LINGO2: variants seen among roughly 807,000 people sequenced by gnomAD.
LINGO2 encodes leucine-rich repeat and immunoglobulin-like domain-containing nogo receptor-interacting protein 2.
LINGO2 carries 14 observed loss-of-function variants against 30.6 expected under a neutral mutation model. That is an observed-to-expected ratio of 0.46 (90% CI 0.30 to 0.72). The LOEUF (loss-of-function observed/expected upper bound fraction) is 0.72. LINGO2 is among the 30% of genes least tolerant of loss of function. LINGO2 has a pLI of 0.07. For synonymous variants in LINGO2, 317 were observed against 288.5 expected (o/e 1.10, Z -1.00); for missense variants, 729 against 751.7 (o/e 0.97, Z 0.35).
At chr9:28,946,487 T>C in the LINGO2 span, among the ~76,000 whole-genome samples, 1 of 152,124 alleles carries the variant, frequency 6.6e-6, no homozygotes, top group African/African-American at 2.4e-5. Context: ...AAAATAGCTT[T>C]AGTAAAGAAT....
At chr9:29,182,542 C>T in the LINGO2 span, among the ~76,000 whole-genome samples, 3 of 152,172 alleles carry the variant, frequency 2.0e-5, no homozygotes, top group African/African-American at 7.2e-5. Flanking sequence ...TTCTCTAACT[C>T]TCTTAACAGG....
At chr9:28,513,055 A>G (rs1381301165) in intron 1 of LINGO2, among the ~76,000 whole-genome samples, 1 of 150,982 alleles carries the variant, frequency 6.6e-6, no homozygotes, top group Non-Finnish European at 1.5e-5. Context: ...TTTGAATCCA[A>G]TCAAGTTGAT....
intron 5 of LINGO2, among the ~76,000 whole-genome samples, chr9:28,011,150 G>T (rs534570504): frequency 1.3e-5 from 2 of 152,302 alleles, no homozygotes; most frequent in East Asian, 3.9e-4. Flanking sequence ...TCAAGAGAAT[G>T]AGAAAGTCAA....
chr9:28,437,812 G>T (rs949222229), intron 2 of LINGO2, among the ~76,000 whole-genome samples: 13 of 151,974 alleles, frequency 8.6e-5, no homozygotes, highest in African/African-American at 3.1e-4. Flanking sequence ...GGCTCAGAAG[G>T]CCCTTTCATA....
chr9:29,089,239 T>A, the LINGO2 span, among the ~76,000 whole-genome samples: 1 of 151,366 alleles, frequency 6.6e-6, no homozygotes, highest in African/African-American at 2.4e-5. Flanking sequence ...TATAGCAATA[T>A]AGTATTATTA....
chr9:28,121,474 C>G (rs1160531494), intron 4 of LINGO2, among the ~76,000 whole-genome samples: 2 of 152,024 alleles, frequency 1.3e-5, no homozygotes, highest in African/African-American at 2.4e-5. Flanking sequence ...CTTCCACATT[C>G]TTTTTTCTTT....
At chr9:28,304,897 T>C (rs999369479) in intron 3 of LINGO2, among the ~76,000 whole-genome samples, 1 of 152,058 alleles carries the variant, frequency 6.6e-6, no homozygotes, top group Non-Finnish European at 1.5e-5. Flanking sequence ...ATAATGCCTC[T>C]AGTAAAGTTA....
At chr9:28,135,231 G>T (rs1285632070) in intron 4 of LINGO2, among the ~76,000 whole-genome samples, 1 of 152,076 alleles carries the variant, frequency 6.6e-6, no homozygotes, top group Non-Finnish European at 1.5e-5. Flanking sequence ...TGATTGCTAT[G>T]AAAGAAGACC....
the LINGO2 span, among the ~76,000 whole-genome samples, chr9:28,895,483 C>T: frequency 6.6e-6 from 1 of 152,152 alleles, no homozygotes; most frequent in African/African-American, 2.4e-5. Context: ...TCACTCGTAT[C>T]ACCTGTGTTA....
chr9:28,235,738 A>G (rs1334611713), intron 4 of LINGO2, among the ~76,000 whole-genome samples: 2 of 152,178 alleles, frequency 1.3e-5, no homozygotes, highest in Non-Finnish European at 2.9e-5. Context: ...GAAATGATCA[A>G]GCAGAAAGAA....
chr9:28,908,549 A>G, the LINGO2 span, among the ~76,000 whole-genome samples: 3 of 151,934 alleles, frequency 2.0e-5, no homozygotes, highest in East Asian at 3.9e-4. Context: ...ATTCACAGAA[A>G]GAAAATATTA....
At chr9:27,963,307 A>AT (rs1409002349) in intron 5 of LINGO2, among the ~76,000 whole-genome samples, 1 of 152,196 alleles carries the variant, frequency 6.6e-6, no homozygotes, top group African/African-American at 2.4e-5. Flanking sequence ...AGCAAACCAA[A>AT]TAAAGGCATA....
At chr9:28,917,452 T>A in the LINGO2 span, among the ~76,000 whole-genome samples, 1 of 149,116 alleles carries the variant, frequency 6.7e-6, no homozygotes, top group Admixed American at 6.7e-5. Context: ...TTTTTTTGGG[T>A]TTTTTTTTCT....
At chr9:28,491,908 G>A (rs1826409677) in intron 1 of LINGO2, among the ~76,000 whole-genome samples, 1 of 152,168 alleles carries the variant, frequency 6.6e-6, no homozygotes. Context: ...TGAGGTTCCT[G>A]ACTGCTAAAG....
chr9:28,202,517 C>A (rs1820272421), intron 4 of LINGO2, among the ~76,000 whole-genome samples: 1 of 152,098 alleles, frequency 6.6e-6, no homozygotes, highest in Non-Finnish European at 1.5e-5. Context: ...TTTAGGGTGA[C>A]AATTCTTTCC....
At chr9:28,205,877 C>A (rs890597396) in intron 4 of LINGO2, among the ~76,000 whole-genome samples, 11 of 152,100 alleles carry the variant, frequency 7.2e-5, no homozygotes, top group Non-Finnish European at 1.6e-4. Flanking sequence ...CTCCAATCTA[C>A]TCTAGAAAGC....
intron 4 of LINGO2, among the ~76,000 whole-genome samples, chr9:28,293,923 C>T (rs72709353): frequency 0.014 from 2,102 of 152,274 alleles, 42 homozygotes; most frequent in Admixed American, 0.046. Context: ...GTTTTGATGT[C>T]CCTTTCATTT....
At chr9:28,898,958 C>T in the LINGO2 span, among the ~76,000 whole-genome samples, 1 of 152,274 alleles carries the variant, frequency 6.6e-6, no homozygotes, top group South Asian at 2.1e-4. Flanking sequence ...ACTTAAATTT[C>T]TTCATTGAAA....
chr9:28,756,540 G>A, the LINGO2 span, among the ~76,000 whole-genome samples: 1 of 151,828 alleles, frequency 6.6e-6, no homozygotes, highest in African/African-American at 2.4e-5. Flanking sequence ...GGAGAGAAAT[G>A]GGGCAGAATG....
Sources: allele counts gnomAD v4.1 joint callset (sites outside exome capture counted in the v4.1 genomes callset), GRCh38; gene constraint gnomAD v4.1.1; transcripts MANE v1.5; gene names NCBI Gene and HGNC (gene_info 2026-07-23, HGNC 2026-07-21).